MED28: variants seen among roughly 807,000 people sequenced by gnomAD.
The protein encoded by MED28 is mediator of RNA polymerase II transcription subunit 28.
A neutral mutation model predicts 21.3 loss-of-function variants in MED28; 26 were observed. The ratio of observed to expected loss-of-function variants is 1.22; its 90% confidence interval spans 0.89 to 1.69. The LOEUF is 1.69. Among genes scored for constraint, MED28 ranks in the 40% most tolerant of loss-of-function variants. The pLI, the probability that MED28 is intolerant of heterozygous loss-of-function variation, is 0.00. For synonymous variants in MED28, 110 were observed against 87.6 expected, an observed-to-expected ratio of 1.26 and a Z score of -1.43; for missense variants, 257 against 215.4, an observed-to-expected ratio of 1.19 and a Z score of -1.21.
Position 17,632,608 on chromosome 4 carries a change from G to A in MED28, c.*8810G>A, listed in dbSNP as rs1046095265. ...CTGCTGGACTTCTTTGGCTTGGGCC[G>A]TTTCACCATCTGGGGTCCTAAAAGC... is the stretch of plus-strand genomic sequence containing the variant. On this transcript the variant is annotated 3_prime_UTR_variant, in exon 4 of 4. Coordinates refer to ENST00000237380, the MANE Select transcript of MED28 (RefSeq NM_025205.5). The A allele has an allele frequency of 2.1e-5, 32 of 1,550,174 alleles. No homozygotes were observed. Among genetic ancestry groups the A allele is most frequent in the South Asian group, 1.8e-4 (15 of 83,980 alleles).
intron 1 of MED28, among the ~76,000 whole-genome samples, chr4:17,615,525 A>G (rs1294621998): frequency 6.6e-6 from 1 of 152,184 alleles, no homozygotes; most frequent in East Asian, 1.9e-4. Context: ...TTTAAATCCC[A>G]GTTTTGCCGG....
At chr4:17,619,532 G>T (rs946609573) in intron 1 of MED28, among the ~76,000 whole-genome samples, 1 of 152,192 alleles carries the variant, frequency 6.6e-6, no homozygotes, top group Admixed American at 6.5e-5. Flanking sequence ...TGTCTCTGAG[G>T]GGGAGAAGAT....
rs1387270207 is a variant in MED28, at chr4:17,631,408, T to TC, written c.*7613dup. The TC allele has an allele frequency of 6.6e-6, 1 of 152,144 alleles. No individual in the cohort carries two copies. The highest frequency in any genetic ancestry group is 1.5e-5 in the Non-Finnish European group (1 of 68,080). 9.4% of individuals were successfully genotyped at this position (152,144 alleles called of 1,614,324 possible). On this transcript the variant is annotated 3_prime_UTR_variant, in exon 4 of 4. Coordinates refer to ENST00000237380, the MANE Select transcript of MED28 (RefSeq NM_025205.5). ...TCAAATTCCTGGCCTCAAGCTCTCCTCCCATCTCAGCCTCCCAAAGTGTTG... is the reference window on the plus strand; with the variant it reads ...TCAAATTCCTGGCCTCAAGCTCTCCTCCCCATCTCAGCCTCCCAAAGTGTTG...
intron 1 of MED28, among the ~76,000 whole-genome samples, chr4:17,618,708 G>A (rs1714529001): frequency 6.6e-6 from 1 of 151,660 alleles, no homozygotes; most frequent in Admixed American, 6.6e-5. Flanking sequence ...ATTAGAGATG[G>A]GGCTTCACCG....
chr4:17,623,172 A>G (rs1252928692), intron 3 of MED28, among the ~76,000 whole-genome samples: 3 of 152,138 alleles, frequency 2.0e-5, no homozygotes, highest in Non-Finnish European at 2.9e-5. Flanking sequence ...AGGCTGAAGC[A>G]GGTGGATAAC....
rs1264402130 is a variant in MED28, at chr4:17,614,668, T to C, written c.14T>C (p.Leu5Pro). Residue 5 changes from leucine to proline, a missense_variant, in exon 1 of 4, where the codon CTA (leucine) becomes CCA (proline). Coordinates refer to ENST00000237380, the MANE Select transcript of MED28 (RefSeq NM_025205.5). ...GCCATTCCAAACATGGCGGCTCCAC[T>C]AGGGGGTATGTTTTCTGGGCAGCCA... MAAP[L>P]GGMFSGQPPG... is the part of the protein sequence containing the mutation. The C allele has an allele frequency of 1.2e-5, 20 of 1,611,542 alleles. No individual in the cohort carries two copies. The highest frequency in any genetic ancestry group is 6.8e-5 in the Admixed American group (4 of 59,168).
At position 17,630,410 on chromosome 4, in the gene MED28, G is replaced by A. The variant is rs1361389187; in HGVS notation, c.*6612G>A. The A allele has an allele frequency of 6.6e-6, 1 of 152,196 alleles. No individual in the cohort carries two copies. The highest frequency in any genetic ancestry group is 2.4e-5 in the African/African-American group (1 of 41,460). The allele number at this position is 152,196 out of a possible 1,614,324, so 9.4% of individuals were successfully genotyped here. A position where few individuals can be genotyped will look rare whatever the true frequency, so the allele number is the denominator to read the frequency against. On this transcript the variant is annotated 3_prime_UTR_variant, in exon 4 of 4. Transcript: ENST00000237380. ...AGTACCCTTACAAAAGAGGCTCAGG[G>A]AGGCGCTCTTGCCTCTTCCACCATG...
At chr4:17,614,894 A>G (rs920533359) in intron 1 of MED28, 81 bp downstream of exon 1, 4 of 1,457,358 alleles carry the variant, frequency 2.7e-6, no homozygotes, top group Admixed American at 2.3e-5. Flanking sequence ...TATCTCCTCC[A>G]GGGATCCGAG....
chr4:17,633,874 C>T lies in MED28; in HGVS notation c.*10076C>T, dbSNP rs1191767839. On this transcript the variant is annotated 3_prime_UTR_variant, in exon 4 of 4. Coordinates refer to ENST00000237380, the MANE Select transcript of MED28 (RefSeq NM_025205.5). ...CGCTGACCACGCGGCTGGGCACGTC[C>T]TCCACCTTCTTTTTCTGTTTGTATT... The T allele has an allele frequency of 3.2e-6, 5 of 1,548,524 alleles. No individual in the cohort carries two copies. The highest frequency in any genetic ancestry group is 2.6e-6 in the Non-Finnish European group (3 of 1,145,618).
chr4:17,623,570 C>T (rs759165330), intron 3 of MED28, 31 bp from the exon 4 acceptor site: 2 of 1,606,656 alleles, frequency 1.2e-6, no homozygotes, highest in Admixed American at 1.7e-5. Flanking sequence ...CCTGCATTTG[C>T]TCTGACTTAG....
In MED28 at chr4:17,633,512, C is replaced by A. The variant is rs964015398; in HGVS notation, c.*9714C>A. ...TTCAGACCTCCAGGCCAGATGGAGT[C>A]CACCTTTTGTATAACCCATGCTGAA... On this transcript the variant is annotated 3_prime_UTR_variant, in exon 4 of 4. Coordinates refer to ENST00000237380, the MANE Select transcript of MED28 (RefSeq NM_025205.5). The A allele has an allele frequency of 7.4e-6, 4 of 542,662 alleles. No homozygotes were observed. The highest frequency in any genetic ancestry group is 3.9e-5 in the African/African-American group (2 of 51,348). The allele number at this position is 542,662 out of a possible 1,614,324, so 33.6% of individuals were successfully genotyped here.
At chr4:17,620,790 C>T (rs969771819) in intron 2 of MED28, among the ~76,000 whole-genome samples, 6 of 150,230 alleles carry the variant, frequency 4.0e-5, no homozygotes, top group African/African-American at 1.2e-4. Flanking sequence ...GCAACCTCTG[C>T]CTCCTGGGCT....
rs1714890478 is a variant in MED28 at position 17,630,418 on chromosome 4, C to A, written c.*6620C>A. On this transcript the variant is annotated 3_prime_UTR_variant, in exon 4 of 4. Transcript: ENST00000237380. The stretch of plus-strand genomic sequence containing the variant: ...TACAAAAGAGGCTCAGGGAGGCGCT[C>A]TTGCCTCTTCCACCATGTAAGGACA... 1 of 152,190 alleles carries A rather than the reference C, an allele frequency of 6.6e-6. No individual in the cohort carries two copies. The allele number at this position is 152,190 out of a possible 1,614,324, so 9.4% of individuals were successfully genotyped here.
rs1353739265 is a variant in MED28, at chr4:17,630,646, A to C, written c.*6848A>C. 6.6e-6 allele frequency: 1 copy of C among 152,250 alleles called. No individual in the cohort carries two copies. Among genetic ancestry groups the C allele is most frequent in the Non-Finnish European group, 1.5e-5 (1 of 68,044 alleles). 9.4% of individuals were successfully genotyped at this position (152,250 alleles called of 1,614,324 possible). ...GGGAAACTCACAAAAAATATTTGGT[A>C]GTGAAAAACAGTATGGTGTGTTAAT... On this transcript the variant is annotated 3_prime_UTR_variant, in exon 4 of 4. Coordinates refer to ENST00000237380, the MANE Select transcript of MED28 (RefSeq NM_025205.5).
Position 17,625,584 on chromosome 4 carries a change from T to C in MED28, c.*1786T>C, listed in dbSNP as rs1469201205. On this transcript the variant is annotated 3_prime_UTR_variant, in exon 4 of 4. Coordinates refer to ENST00000237380, the MANE Select transcript of MED28 (RefSeq NM_025205.5). ...ATTTTGAATTACTGTACGTACCAGT[T>C]GTTGCCATTTCTTTATTAAATTCAG... 2.3e-6 allele frequency: 1 copy of C among 429,852 alleles called. No homozygotes were observed. Among genetic ancestry groups the C allele is most frequent in the African/African-American group, 2.0e-5 (1 of 49,180 alleles). The allele number at this position is 429,852 out of a possible 1,614,324, so 26.6% of individuals were successfully genotyped here.
rs1014633295 is a variant in MED28 at position 17,625,373 on chromosome 4, T to C, written c.*1575T>C. On this transcript the variant is annotated 3_prime_UTR_variant, in exon 4 of 4. Transcript: ENST00000237380. ...TTACAACGTATAGGTTAAACAAAGC[T>C]TTTAAAAGCTCATGTGGTATGACCT... The C allele has an allele frequency of 2.8e-5, 6 of 210,758 alleles. No homozygotes were observed. Among genetic ancestry groups the C allele is most frequent in the Non-Finnish European group, 5.8e-5 (6 of 103,740 alleles). The allele number at this position is 210,758 out of a possible 1,614,324, so 13.1% of individuals were successfully genotyped here. A position where few individuals can be genotyped will look rare whatever the true frequency, so the allele number is the denominator to read the frequency against.
Position 17,632,460 on chromosome 4 carries a change from T to G in MED28, c.*8662T>G. 1 of 1,287,658 alleles carries G rather than the reference T, an allele frequency of 7.8e-7. No homozygotes were observed. 79.8% of individuals were successfully genotyped at this position (1,287,658 alleles called of 1,614,324 possible). Reference sequence around the variant, plus strand: ...TATTATTTGGTTGGTTGGTGTTAGTTCATTCCTTCAATCGGATGATTTAAA... The same window carrying G: ...TATTATTTGGTTGGTTGGTGTTAGTGCATTCCTTCAATCGGATGATTTAAA... On this transcript the variant is annotated 3_prime_UTR_variant, in exon 4 of 4. Coordinates refer to ENST00000237380, the MANE Select transcript of MED28 (RefSeq NM_025205.5).
At chr4:17,614,880 C>G (rs1714401237) in intron 1 of MED28, 67 bp downstream of exon 1, 2 of 1,500,868 alleles carry the variant, frequency 1.3e-6, no homozygotes, top group African/African-American at 2.8e-5. Context: ...ACTGCGCGTA[C>G]GCGTATCTCC....
chr4:17,618,485 A>G (rs1714523568), intron 1 of MED28, among the ~76,000 whole-genome samples: 1 of 151,998 alleles, frequency 6.6e-6, no homozygotes, highest in Non-Finnish European at 1.5e-5. Flanking sequence ...CAAAGGAAGT[A>G]CATCCTACCC....
Sources: allele counts gnomAD v4.1 joint callset (sites outside exome capture counted in the v4.1 genomes callset), GRCh38; gene constraint gnomAD v4.1.1; transcripts MANE v1.5; gene names NCBI Gene and HGNC (gene_info 2026-07-23, HGNC 2026-07-21).